FARP1: variants seen among roughly 807,000 people sequenced by gnomAD.
FARP1 encodes the protein FERM, ARH/RhoGEF and pleckstrin domain protein 1, also known as FERM, ARHGEF and pleckstrin domain-containing protein 1.
A neutral mutation model predicts 128.8 loss-of-function variants in FARP1; 52 were observed. The observed-to-expected ratio is 0.40, with a 90% CI of 0.32 to 0.51. FARP1 has a LOEUF of 0.51. FARP1 is among the 20% of genes least tolerant of loss of function. The probability of loss-of-function intolerance (pLI) is 0.45; values close to 1 mark genes in which losing one functional copy is unlikely to be tolerated. For synonymous variants in FARP1, 580 were observed against 551.8 expected, an observed-to-expected ratio of 1.05 and a Z score of -0.72; for missense variants, 1,333 against 1,367.9, an observed-to-expected ratio of 0.97 and a Z score of 0.40.
intron 2 of FARP1, among the ~76,000 whole-genome samples, chr13:98,281,339 C>A (rs1311928251): frequency 2.0e-5 from 3 of 151,670 alleles, no homozygotes; most frequent in Non-Finnish European, 2.9e-5. Context: ...TGTTCTCCAG[C>A]CTGGGCAACA....
At chr13:98,299,780 A>G (rs7320976) in intron 2 of FARP1, among the ~76,000 whole-genome samples, 5,742 of 152,328 alleles carry the variant, frequency 0.038, 367 homozygotes, top group African/African-American at 0.13. Context: ...TGGCTGCAAC[A>G]CACGACTGCA....
intron 26 of FARP1, 170 bp downstream of exon 26, chr13:98,446,987 G>A (rs1406794382): frequency 3.0e-6 from 2 of 666,146 alleles, no homozygotes; most frequent in African/African-American, 3.6e-5. Flanking sequence ...TGTTCTCATG[G>A]CAGAAAGTGG....
chr13:98,437,440 C>T lies in FARP1; in HGVS notation c.2275-1364C>T, dbSNP rs558276665. On this transcript the variant is annotated intron_variant, in intron 19 of 26. Transcript: ENST00000319562. ...ATAGATAAAGAAAGGCAGGCTTATT[C>T]GAGAAGTAGGAAAATACATTGCCAG... Among the ~76,000 whole-genome samples, 13 of 149,122 alleles carry T rather than the reference C, an allele frequency of 8.7e-5. No individual in the cohort carries two copies. The East Asian group carries it at 2.1e-3, about 24-fold the overall frequency.
intron 19 of FARP1, among the ~76,000 whole-genome samples, chr13:98,436,815 A>C (rs1892289355): frequency 6.6e-6 from 1 of 152,256 alleles, no homozygotes. Flanking sequence ...GAACCCTCAG[A>C]AAAGCCCTGT....
At chr13:98,230,759 G>A (rs1048134697) in intron 2 of FARP1, among the ~76,000 whole-genome samples, 3 of 152,222 alleles carry the variant, frequency 2.0e-5, no homozygotes, top group Admixed American at 6.5e-5. Context: ...GGGTAAAGGA[G>A]ATGCATGCAG....
At chr13:98,346,480 C>T (rs1267238469) in intron 3 of FARP1, among the ~76,000 whole-genome samples, 1 of 151,498 alleles carries the variant, frequency 6.6e-6, no homozygotes, top group African/African-American at 2.4e-5. Context: ...TGTGGTGGCT[C>T]ATGCCTGTAA....
chr13:98,336,585 A>AAGTCACAATAAACTGGAGCAACTTTG, intron 2 of FARP1, among the ~76,000 whole-genome samples: 1 of 152,216 alleles, frequency 6.6e-6, no homozygotes, highest in Non-Finnish European at 1.5e-5. Flanking sequence ...AAATGTTTTA[A>AAGTCACAATAAACTGGAGCAACTTTG]AGTCACAATA....
chr13:98,271,554 C>T (rs117403321), intron 2 of FARP1, among the ~76,000 whole-genome samples: 10,432 of 152,212 alleles, frequency 0.069, 463 homozygotes, highest in Non-Finnish European at 0.1. Flanking sequence ...AATGCTGTCC[C>T]TGCCCTTTCT....
At chr13:98,232,662 G>A (rs1236444584) in intron 2 of FARP1, among the ~76,000 whole-genome samples, 2 of 152,152 alleles carry the variant, frequency 1.3e-5, no homozygotes, top group Non-Finnish European at 2.9e-5. Flanking sequence ...ACAGTATGGT[G>A]TAAACATTTT....
At chr13:98,276,032 A>G (rs1456178964) in intron 2 of FARP1, among the ~76,000 whole-genome samples, 1 of 152,108 alleles carries the variant, frequency 6.6e-6, no homozygotes, top group Non-Finnish European at 1.5e-5. Flanking sequence ...CCTTTTTCTG[A>G]GGCATACAGG....
intron 2 of FARP1, among the ~76,000 whole-genome samples, chr13:98,240,817 G>C (rs1353081024): frequency 2.0e-5 from 3 of 152,218 alleles, no homozygotes; most frequent in Admixed American, 1.3e-4. Context: ...GGATGGGAAG[G>C]CCTCAGGGAA....
intron 2 of FARP1, among the ~76,000 whole-genome samples, chr13:98,316,046 T>C (rs770067499): frequency 3.3e-5 from 5 of 152,192 alleles, no homozygotes; most frequent in Admixed American, 1.3e-4. Flanking sequence ...GAGGAATCTG[T>C]CACATGAGAC....
intron 1 of FARP1, among the ~76,000 whole-genome samples, chr13:98,165,917 G>C (rs2139145794): frequency 6.6e-6 from 1 of 151,868 alleles, no homozygotes; most frequent in African/African-American, 2.4e-5. Flanking sequence ...GTGGGGTTTT[G>C]CCATGTTGGC....
intron 13 of FARP1, chr13:98,405,469 TGA>T (rs1303779707): frequency 1.3e-5 from 2 of 152,170 alleles, no homozygotes; most frequent in Non-Finnish European, 2.9e-5. Context: ...GTTTTCAGTC[TGA>T]GGGGGGCAGC....
At chr13:98,285,551 G>T (rs1050971211) in intron 2 of FARP1, among the ~76,000 whole-genome samples, 4 of 152,178 alleles carry the variant, frequency 2.6e-5, no homozygotes, top group Admixed American at 6.5e-5. Flanking sequence ...TTGTCTCACA[G>T]AAATTTGAAA....
intron 1 of FARP1, among the ~76,000 whole-genome samples, chr13:98,145,815 T>C (rs1875495197): frequency 1.3e-5 from 2 of 148,736 alleles, no homozygotes; most frequent in Admixed American, 6.8e-5. Flanking sequence ...TGAGTTGAGA[T>C]TGGGCCACTG....
intron 5 of FARP1, among the ~76,000 whole-genome samples, chr13:98,373,235 G>A (rs141345685): frequency 1.8e-3 from 279 of 152,182 alleles, no homozygotes; most frequent in African/African-American, 5.3e-3. Context: ...CTGCCCATGC[G>A]TTTGTCCCTG....
At chr13:98,430,870 C>G (rs1343682645) in intron 17 of FARP1, among the ~76,000 whole-genome samples, 173 bp from the exon 18 acceptor site, 1 of 152,146 alleles carries the variant, frequency 6.6e-6, no homozygotes, top group Non-Finnish European at 1.5e-5. Flanking sequence ...ATCCTGAGAA[C>G]TTAAGTGAAA....
intron 2 of FARP1, among the ~76,000 whole-genome samples, chr13:98,333,430 C>A (rs562707376): frequency 6.6e-4 from 78 of 118,462 alleles, no homozygotes; most frequent in African/African-American, 2.5e-3. Flanking sequence ...AGAAATCCCC[C>A]ACATGTACAC....
Sources: gnomAD v4.1 joint callset for allele counts (sites outside exome capture counted in the v4.1 genomes callset) on GRCh38, gnomAD v4.1.1 for gene constraint, MANE v1.5 for transcripts, NCBI Gene and HGNC (gene_info 2026-07-23, HGNC 2026-07-21) for gene names.